DGKQ: variants seen among roughly 807,000 people sequenced by gnomAD.
DGKQ encodes the protein diacylglycerol kinase theta, also known as DAG kinase theta.
Under a neutral mutation model 104.2 loss-of-function variants are expected in DGKQ, and 97 were observed. The observed-to-expected ratio is 0.93, with a 90% CI of 0.79 to 1.10. The LOEUF is 1.10. DGKQ is among the 50% of genes least tolerant of loss of function. DGKQ has a pLI of 0.00. For synonymous variants in DGKQ, 736 were observed against 595.2 expected (o/e 1.24, Z -3.44); for missense variants, 1,465 against 1,352.1 (o/e 1.08, Z -1.31).
At chr4:972,526 A>T (rs1713010267) in intron 1 of DGKQ, among the ~76,000 whole-genome samples, 1 of 141,008 alleles carries the variant, frequency 7.1e-6, no homozygotes, top group South Asian at 2.4e-4. Flanking sequence ...AAACGTCCAG[A>T]ACTCCGGTCC....
At chr4:961,254 T>C in intron 21 of DGKQ, 53 bp from the exon 22 acceptor site, 1 of 1,390,022 alleles carries the variant, frequency 7.2e-7, no homozygotes, top group South Asian at 1.4e-5. Flanking sequence ...CGCCCACCGC[T>C]GACCTGGCCC....
intron 2 of DGKQ, among the ~76,000 whole-genome samples, chr4:970,488 C>T (rs77386309): frequency 0.034 from 5,155 of 152,316 alleles, 135 homozygotes; most frequent in East Asian, 0.12. Context: ...CCAAGACACC[C>T]TCAGGCACCC....
Position 968,833 on chromosome 4 carries a change from C to T in DGKQ, c.429G>A (p.Glu143=), listed in dbSNP as rs755398235. 2.2e-5 allele frequency: 36 copies of T among 1,611,080 alleles called. No homozygotes were observed. Among genetic ancestry groups the T allele is most frequent in the Non-Finnish European group, 3.1e-5 (36 of 1,179,226 alleles). ...TACCTTCGCAGTGGAGCGCCGGTGC[C>T]TCCAGGACCTTGCGGCAGACAGCAC... ...KFCAVCRKVL[E]APALHCEVCE... The change falls in exon 3 of 23, where the codon GAG becomes GAA. Residue 143 remains glutamate (E), a synonymous_variant. Coordinates refer to ENST00000273814, the MANE Select transcript of DGKQ (RefSeq NM_001347.4).
At chr4:963,035 C>A in intron 16 of DGKQ, 104 bp downstream of exon 16, 5 of 1,493,178 alleles carry the variant, frequency 3.3e-6, no homozygotes, top group Non-Finnish European at 4.5e-6. Flanking sequence ...GGTCCCAGCA[C>A]GGGATCCCCG....
In DGKQ at chr4:962,884, C is replaced by T. The variant is rs746574441; in HGVS notation, c.1923G>A (p.Val641=). The T allele has an allele frequency of 9.3e-6, 15 of 1,609,624 alleles. No homozygotes were observed. Among genetic ancestry groups the T allele is most frequent in the Non-Finnish European group, 1.2e-5 (14 of 1,178,680 alleles). Residue 641 remains valine (V), a synonymous_variant, in exon 17 of 23, where the codon GTG becomes GTA. Coordinates refer to ENST00000273814, the MANE Select transcript of DGKQ (RefSeq NM_001347.4). ...CAGTGCCATCGCCACCACACACCAGCACCCGGAAGCAGGGCACCTGGGAGA... is the reference window on the plus strand; with the variant it reads ...CAGTGCCATCGCCACCACACACCAGTACCCGGAAGCAGGGCACCTGGGAGA... ...HLFSQVPCFR[V]LVCGGDGTVG...
In DGKQ at chr4:961,350, C is replaced by T. The variant is rs886481923; in HGVS notation, c.2574+117G>A. The T allele has an allele frequency of 2.8e-5, 36 of 1,269,768 alleles. 1 individual carries two copies. The South Asian group carries it at 4.0e-4, about 14-fold the overall frequency. 78.7% of individuals were successfully genotyped at this position (1,269,768 alleles called of 1,614,324 possible). A position where few individuals can be genotyped will look rare whatever the true frequency, so the allele number is the denominator to read the frequency against. On this transcript the variant is annotated intron_variant, in intron 21 of 22. Transcript: ENST00000273814. ...GGCGGGAGAGGCCAGCCGGGCTCAG[C>T]GGGGACCGGGGACGCCCACCCTGGA...
In DGKQ at chr4:968,299, C is replaced by G; in HGVS notation, c.646G>C (p.Glu216Gln). The G allele has an allele frequency of 1.3e-6, 2 of 1,514,150 alleles. No homozygotes were observed. The highest frequency in any genetic ancestry group is 1.8e-6 in the Non-Finnish European group (2 of 1,135,948). 93.8% of individuals were successfully genotyped at this position (1,514,150 alleles called of 1,614,324 possible). ...SSDVLAGVRC[E>Q]WCGVQAHSLC... ...GCGCCCACCTGGACCCCGCACCACTCGCAGCGCACGCCGGCCAGCACGTCA... is the reference window on the plus strand; with the variant it reads ...GCGCCCACCTGGACCCCGCACCACTGGCAGCGCACGCCGGCCAGCACGTCA... The change falls in exon 5 of 23, where the codon GAG (glutamate) becomes CAG (glutamine). Residue 216 changes from glutamate (E) to glutamine (Q), a missense_variant. Transcript: ENST00000273814.
At position 965,413 on chromosome 4, in the gene DGKQ, G is replaced by T; in HGVS notation, c.1618+78C>A. 1.9e-6 allele frequency: 3 copies of T among 1,555,284 alleles called. No individual in the cohort carries two copies. In the South Asian group the frequency reaches 3.4e-5, roughly 18 times the overall value. ...GCCCAAGGGAAAGGTCAGGTGCTACGTGAGGGCCAGGGCTGTCCCACTTCA... is the reference window on the plus strand; with the variant it reads ...GCCCAAGGGAAAGGTCAGGTGCTACTTGAGGGCCAGGGCTGTCCCACTTCA... On this transcript the variant is annotated intron_variant, in intron 14 of 22. Transcript: ENST00000273814.
At chr4:963,584 C>G (rs761859437) in intron 15 of DGKQ, among the ~76,000 whole-genome samples, 9 of 152,260 alleles carry the variant, frequency 5.9e-5, no homozygotes, top group Non-Finnish European at 1.2e-4. Flanking sequence ...ACAGACCACA[C>G]CCGCCTGGGC....
Position 961,554 on chromosome 4 carries a change from C to A in DGKQ, c.2487G>T (p.Trp829Cys). Residue 829 changes from tryptophan to cysteine, a missense_variant, in exon 21 of 23, where the codon TGG (tryptophan) becomes TGT (cysteine). Transcript: ENST00000273814. ...CAAACCTGGTGTCGCTGTCGGAGCC[C>A]CACAGGTCGGCCCCCGAGCCCCAGC... The part of the protein sequence containing the change: ...IPSWGSGADL[W>C]GSDSDTRFEK... The A allele has an allele frequency of 4.3e-6, 7 of 1,609,222 alleles. No homozygotes were observed. Among genetic ancestry groups the A allele is most frequent in the Non-Finnish European group, 5.9e-6 (7 of 1,178,666 alleles).
intron 1 of DGKQ, among the ~76,000 whole-genome samples, chr4:972,861 G>T (rs1329940930): frequency 6.6e-6 from 1 of 152,236 alleles, no homozygotes; most frequent in Non-Finnish European, 1.5e-5. Context: ...TAGGGCCAGG[G>T]GCCCAGGCCA....
chr4:961,276 A>G, intron 21 of DGKQ, 75 bp from the exon 22 acceptor site: 1 of 1,335,520 alleles, frequency 7.5e-7, no homozygotes, highest in Non-Finnish European at 9.9e-7. Context: ...GGGGCGGGAG[A>G]GGCCAGCCGA....
At chr4:965,882 A>C in intron 13 of DGKQ, 46 bp downstream of exon 13, 2 of 1,538,620 alleles carry the variant, frequency 1.3e-6, no homozygotes, top group Non-Finnish European at 1.8e-6. Flanking sequence ...CTGCCGCTCG[A>C]CCCTGCCCCG....
intron 10 of DGKQ, 75 bp downstream of exon 10, chr4:966,889 G>A: frequency 6.4e-7 from 1 of 1,553,012 alleles, no homozygotes; most frequent in Non-Finnish European, 8.7e-7. Flanking sequence ...GGGCTGGGAT[G>A]GTGGCCTGGC....
chr4:968,426 C>CA lies in DGKQ; in HGVS notation c.538-20dup, dbSNP rs770741340. 2.5e-6 allele frequency: 4 copies of CA among 1,586,736 alleles called. No homozygotes were observed. ...GGGTGTCCTGCAGAGCGGGGGCAGT[C>CA]AGCAGCTGGGCCCGCCCCACCCCCC... On this transcript the variant is annotated intron_variant, in intron 4 of 22. Transcript: ENST00000273814.
chr4:963,098 C>T, intron 16 of DGKQ, 41 bp downstream of exon 16: 1 of 1,563,716 alleles, frequency 6.4e-7, no homozygotes, highest in Non-Finnish European at 8.7e-7. Context: ...GCCCTTCCCG[C>T]CCCTGCTGCT....
rs1397203983 is a variant in DGKQ, at chr4:968,347, AGACCTC to A, written c.592_597del (p.Glu198_Val199del). 4 of 1,446,292 alleles carry A rather than the reference AGACCTC, an allele frequency of 2.8e-6. No homozygotes were observed. Among genetic ancestry groups the A allele is most frequent in the Non-Finnish European group, 2.7e-6 (3 of 1,096,348 alleles). The allele number at this position is 1,446,292 out of a possible 1,614,324, so 89.6% of individuals were successfully genotyped here. A position where few individuals can be genotyped will look rare whatever the true frequency, so the allele number is the denominator to read the frequency against. ...TCAGAGGAGCCGCACGTCTTCCTGC[AGACCTC>A]GCAGCGCGCTCCCGAGGGCAGGTTC... On this transcript the variant is annotated inframe_deletion, in exon 5 of 23. Coordinates refer to ENST00000273814, the MANE Select transcript of DGKQ (RefSeq NM_001347.4).
chr4:967,617 C>A lies in DGKQ; in HGVS notation c.919G>T (p.Asp307Tyr), dbSNP rs779402758. The change falls in exon 8 of 23, where the codon GAC (aspartate) becomes TAC (tyrosine). Residue 307 changes from aspartate (D) to tyrosine (Y), a missense_variant. Coordinates refer to ENST00000273814, the MANE Select transcript of DGKQ (RefSeq NM_001347.4). Reference protein sequence around the residue: ...KQTLKIFDGDDAVRRSQFRLV... With the variant: ...KQTLKIFDGDYAVRRSQFRLV... ...CGGAACTGGCTTCTTCTCACCGCGTCGTCGCCATCAAAGATCTTCAGCGTT... is the reference window on the plus strand; with the variant it reads ...CGGAACTGGCTTCTTCTCACCGCGTAGTCGCCATCAAAGATCTTCAGCGTT... The A allele has an allele frequency of 6.2e-7, 1 of 1,612,688 alleles. No homozygotes were observed. Among genetic ancestry groups the A allele is most frequent in the South Asian group, 1.1e-5 (1 of 91,078 alleles).
chr4:967,403 A>T, intron 8 of DGKQ, 42 bp from the exon 9 acceptor site: 11 of 1,096,664 alleles, frequency 1.0e-5, no homozygotes, highest in Non-Finnish European at 1.3e-5. Context: ...GTGGGGGGTC[A>T]GGCGGGGTTC....
Sources: gnomAD v4.1 joint callset for allele counts (sites outside exome capture counted in the v4.1 genomes callset) on GRCh38, gnomAD v4.1.1 for gene constraint, MANE v1.5 for transcripts, NCBI Gene and HGNC (gene_info 2026-07-23, HGNC 2026-07-21) for gene names.